The following PARD3 variants were observed in gnomAD, a reference collection of about 807,000 sequenced individuals.
The protein encoded by PARD3 is par-3 family cell polarity regulator.
Under a neutral mutation model 155.4 loss-of-function variants are expected in PARD3, and 75 were observed. The observed-to-expected ratio is 0.48, with a 90% CI of 0.40 to 0.58. PARD3 has a LOEUF of 0.58. Among genes scored for constraint, PARD3 ranks in the 20% least tolerant of loss-of-function variants. The probability of loss-of-function intolerance (pLI) is 0.00; values close to 1 mark genes in which losing one functional copy is unlikely to be tolerated. For synonymous variants in PARD3, 576 were observed against 610.5 expected (o/e 0.94, Z 0.83); for missense variants, 1,642 against 1,721.7 (o/e 0.95, Z 0.82).
At chr10:34,156,032 G>T (rs1259786813) in intron 22 of PARD3, among the ~76,000 whole-genome samples, 1 of 152,146 alleles carries the variant, frequency 6.6e-6, no homozygotes, top group African/African-American at 2.4e-5. Context: ...TCAGCAGGAA[G>T]TGGGAAGCCT....
intron 22 of PARD3, among the ~76,000 whole-genome samples, chr10:34,190,143 G>A (rs1950644501): frequency 6.6e-6 from 1 of 152,118 alleles, no homozygotes; most frequent in Non-Finnish European, 1.5e-5. Flanking sequence ...GTTCCCTAAG[G>A]TTTTAGGTTT....
chr10:34,174,450 A>C (rs1972897), intron 22 of PARD3, among the ~76,000 whole-genome samples: 30,087 of 152,214 alleles, frequency 0.2, 3,858 homozygotes, highest in Non-Finnish European at 0.26. Context: ...CAGAAAAGAA[A>C]TGCTTGTGTT....
chr10:34,789,628 CAGG>C (rs1799487163), intron 1 of PARD3, among the ~76,000 whole-genome samples: 1 of 152,032 alleles, frequency 6.6e-6, no homozygotes, highest in African/African-American at 2.4e-5. Flanking sequence ...CACTGGAGCC[CAGG>C]AGGTCAAGTC....
At chr10:34,460,634 C>T (rs370957948) in intron 4 of PARD3, among the ~76,000 whole-genome samples, 22 of 151,984 alleles carry the variant, frequency 1.4e-4, no homozygotes, top group Admixed American at 3.9e-4. Flanking sequence ...GAGATCGAGA[C>T]CATCCTGACT....
chr10:34,498,662 A>C (rs1328078729), intron 3 of PARD3, among the ~76,000 whole-genome samples: 1 of 152,216 alleles, frequency 6.6e-6, no homozygotes, highest in African/African-American at 2.4e-5. Context: ...CTGTAATCCC[A>C]GCTACCTGAG....
intron 1 of PARD3, among the ~76,000 whole-genome samples, chr10:34,757,606 G>A (rs1334983615): frequency 6.6e-6 from 1 of 152,070 alleles, no homozygotes. Context: ...AGCTACTCGG[G>A]AGGCTGAGGT....
In PARD3 at chr10:34,499,734, C is replaced by T. The variant is rs187038701; in HGVS notation, c.403+17245G>A. On this transcript the variant is annotated intron_variant, in intron 3 of 24. Coordinates refer to ENST00000374788, the MANE Select transcript of PARD3 (RefSeq NM_001184785.2). Reference sequence around the variant, plus strand: ...CCAACTCTGCCCAAGACCATGCGGCCCTTCCTTTTGATGTCACTGCTAGTT... The same window carrying T: ...CCAACTCTGCCCAAGACCATGCGGCTCTTCCTTTTGATGTCACTGCTAGTT... Among the ~76,000 whole-genome samples the T allele has an allele frequency of 9.2e-5, 14 of 152,258 alleles. No homozygotes were observed. The East Asian group carries it at 2.7e-3, about 29-fold the overall frequency.
At chr10:34,725,147 G>A (rs944724440) in intron 1 of PARD3, among the ~76,000 whole-genome samples, 19 of 110,880 alleles carry the variant, frequency 1.7e-4, no homozygotes, top group Non-Finnish European at 3.4e-4. Context: ...GTGTGTGTGT[G>A]TGTGACAGAG....
At chr10:34,473,190 T>C (rs115360628) in intron 3 of PARD3, among the ~76,000 whole-genome samples, 13 of 152,304 alleles carry the variant, frequency 8.5e-5, no homozygotes, top group African/African-American at 3.1e-4. Flanking sequence ...TCTTCCAACA[T>C]TAAACTTTTT....
chr10:34,613,321 A>G (rs1337698352), intron 2 of PARD3, among the ~76,000 whole-genome samples: 2 of 152,152 alleles, frequency 1.3e-5, no homozygotes, highest in Non-Finnish European at 2.9e-5. Context: ...TTTTAGTATC[A>G]CCTTTCTTAG....
At chr10:34,693,230 C>T (rs1011183738) in intron 2 of PARD3, among the ~76,000 whole-genome samples, 2 of 152,130 alleles carry the variant, frequency 1.3e-5, no homozygotes, top group African/African-American at 4.8e-5. Flanking sequence ...ATCATTCAAC[C>T]CAGCAATCCC....
chr10:34,179,023 C>A (rs1276063485), intron 22 of PARD3, among the ~76,000 whole-genome samples: 2 of 152,182 alleles, frequency 1.3e-5, no homozygotes, highest in Non-Finnish European at 2.9e-5. Flanking sequence ...CCAAATGCCT[C>A]ACCTCCCAGG....
intron 23 of PARD3, among the ~76,000 whole-genome samples, chr10:34,122,133 C>T (rs1947039374): frequency 6.6e-6 from 1 of 152,212 alleles, no homozygotes; most frequent in Admixed American, 6.5e-5. Context: ...CTTTCCTTTT[C>T]ACTCAGTGTA....
chr10:34,721,406 G>C (rs1482587907), intron 1 of PARD3, among the ~76,000 whole-genome samples: 1 of 152,228 alleles, frequency 6.6e-6, no homozygotes, highest in Non-Finnish European at 1.5e-5. Context: ...AATGCCACAG[G>C]AATGCTGAAG....
At chr10:34,243,474 G>A (rs766951169) in intron 22 of PARD3, among the ~76,000 whole-genome samples, 3 of 152,098 alleles carry the variant, frequency 2.0e-5, no homozygotes, top group South Asian at 4.2e-4. Context: ...GTGCTAAAAC[G>A]AAATGCTTCT....
chr10:34,243,823 T>C (rs973887337), intron 22 of PARD3, among the ~76,000 whole-genome samples: 6 of 152,140 alleles, frequency 3.9e-5, no homozygotes, highest in Non-Finnish European at 8.8e-5. Flanking sequence ...TATATATATA[T>C]ATGTATATAG....
intron 22 of PARD3, among the ~76,000 whole-genome samples, chr10:34,155,637 A>G (rs1805194): frequency 0.3 from 44,965 of 149,496 alleles, 7,327 homozygotes; most frequent in Middle Eastern, 0.41. Context: ...TTTTTCTTTC[A>G]TCATCTTCAG....
chr10:34,140,465 TAAA>T, intron 22 of PARD3, among the ~76,000 whole-genome samples: 1 of 152,172 alleles, frequency 6.6e-6, no homozygotes, highest in African/African-American at 2.4e-5. Flanking sequence ...TATTAATCGC[TAAA>T]TTAAGAGAGA....
rs146697526 is a variant in PARD3 at position 34,146,676 on chromosome 10, G to C, written c.3420-15093C>G. ...TGTGACATACAATTTTTAATCCTCT[G>C]TTTCAATCTTTGCTGGTCTTCACTC... On this transcript the variant is annotated intron_variant, in intron 22 of 24. Coordinates refer to ENST00000374788, the MANE Select transcript of PARD3 (RefSeq NM_001184785.2). Among the ~76,000 whole-genome samples, 213 of 152,260 alleles carry C rather than the reference G, an allele frequency of 1.4e-3. 1 individual carries two copies. Among genetic ancestry groups the C allele is most frequent in the African/African-American group, 4.9e-3 (205 of 41,556 alleles).
Sources: gnomAD v4.1 joint callset for allele counts (sites outside exome capture counted in the v4.1 genomes callset) on GRCh38, gnomAD v4.1.1 for gene constraint, MANE v1.5 for transcripts, NCBI Gene and HGNC (gene_info 2026-07-23, HGNC 2026-07-21) for gene names.